The following MRE11 variants were observed in gnomAD, a reference collection of about 807,000 sequenced individuals.
The protein encoded by MRE11 is double-strand break repair protein MRE11.
In MRE11, 62 loss-of-function variants were observed where a neutral mutation model predicts 91.7. That is an observed-to-expected ratio of 0.68 (90% CI 0.55 to 0.84). The LOEUF (loss-of-function observed/expected upper bound fraction) is 0.84. Ranked by LOEUF, MRE11 falls within the 40% of genes least tolerant of loss-of-function variation. The pLI is 0.00. For missense variants in MRE11, 796 were observed against 852.9 expected, an observed-to-expected ratio of 0.93 and a Z score of 0.83; for synonymous variants, 273 against 271.4, an observed-to-expected ratio of 1.01 and a Z score of -0.06.
intron 3 of MRE11, among the ~76,000 whole-genome samples, chr11:94,489,142 T>TAAAAATATGCTATG (rs1947220254): frequency 6.6e-6 from 1 of 151,588 alleles, no homozygotes; most frequent in Non-Finnish European, 1.5e-5. Context: ...ATAGTGCTAT[T>TAAAAATATGCTATG]AAAAATATGC....
chr11:94,489,701 T>C (rs1947235784), intron 3 of MRE11, among the ~76,000 whole-genome samples: 1 of 152,198 alleles, frequency 6.6e-6, no homozygotes, highest in African/African-American at 2.4e-5. Flanking sequence ...AAGTCAAGGC[T>C]GGCGGTGTTA....
intron 13 of MRE11, among the ~76,000 whole-genome samples, chr11:94,458,193 T>G (rs1946313095): frequency 6.6e-6 from 1 of 151,968 alleles, no homozygotes; most frequent in Admixed American, 6.6e-5. Flanking sequence ...TTTTTTTTTT[T>G]TTTTTAAATA....
intron 11 of MRE11, among the ~76,000 whole-genome samples, chr11:94,463,091 T>G (rs1946463825): frequency 6.6e-6 from 1 of 151,782 alleles, no homozygotes; most frequent in South Asian, 2.1e-4. Flanking sequence ...TAAGAAAAAA[T>G]CAAACAACCC....
the MRE11 span, among the ~76,000 whole-genome samples, chr11:94,509,079 C>A: frequency 6.6e-6 from 1 of 152,152 alleles, no homozygotes; most frequent in Non-Finnish European, 1.5e-5. Flanking sequence ...TTTTAAACAA[C>A]CCTGCTGAGA....
the MRE11 span, among the ~76,000 whole-genome samples, chr11:94,499,816 G>A: frequency 5.9e-5 from 9 of 152,118 alleles, no homozygotes; most frequent in Non-Finnish European, 1.2e-4. Context: ...TTTTTAAGAT[G>A]TCCACCAAGG....
intron 7 of MRE11, among the ~76,000 whole-genome samples, chr11:94,473,938 G>C (rs1035467694): frequency 7.9e-5 from 12 of 152,098 alleles, no homozygotes; most frequent in Admixed American, 7.9e-4. Flanking sequence ...TAAGGAAAGG[G>C]AGAAGACAAA....
Position 94,471,646 on chromosome 11 carries a change from T to G in MRE11, c.773A>C (p.Gln258Pro), listed in dbSNP as rs761771002. ...ECKIAPTKNE[Q>P]QLFYISQPGS... ...AGGTTGTGAGATATAAAACAGCTGT[T>G]GTTCATTTTTGGTTGGAGCTATTTT... The change falls in exon 8 of 20, where the codon CAA (glutamine) becomes CCA (proline). Residue 258 changes from glutamine to proline, a missense_variant. Physicochemically the swap from Gln to Pro is moderately conservative, Grantham distance 76 (BLOSUM62 -1). Transcript: ENST00000323929. 1.9e-6 allele frequency: 3 copies of G among 1,612,944 alleles called. No individual in the cohort carries two copies. In the East Asian group the frequency reaches 6.7e-5, roughly 36 times the overall value.
chr11:94,451,495 T>C (rs1405040049), intron 14 of MRE11, among the ~76,000 whole-genome samples: 1 of 152,144 alleles, frequency 6.6e-6, no homozygotes, highest in African/African-American at 2.4e-5. Context: ...AATGCCAGTA[T>C]GACACAGTAC....
intron 3 of MRE11, among the ~76,000 whole-genome samples, chr11:94,486,570 T>C (rs1239562042): frequency 6.6e-6 from 1 of 152,174 alleles, no homozygotes; most frequent in Non-Finnish European, 1.5e-5. Context: ...GAGGATACAA[T>C]GATGAATAAA....
rs983423667 is a variant in MRE11, at chr11:94,416,140, G to A, written c.*3985C>T. The A allele has an allele frequency of 6.6e-6, 1 of 152,206 alleles. No individual in the cohort carries two copies. The highest frequency in any genetic ancestry group is 2.4e-5 in the African/African-American group (1 of 41,442). The allele number at this position is 152,206 out of a possible 1,614,324, so 9.4% of individuals were successfully genotyped here. A position where few individuals can be genotyped will look rare whatever the true frequency, so the allele number is the denominator to read the frequency against. ...GATTCTAATTCAACAATTTTTCTTGGTAGTCTTGCCAACAGTAATTGGAGA... is the reference window on the plus strand; with the variant it reads ...GATTCTAATTCAACAATTTTTCTTGATAGTCTTGCCAACAGTAATTGGAGA... On this transcript the variant is annotated 3_prime_UTR_variant, in exon 20 of 20. Transcript: ENST00000323929.
At chr11:94,501,560 G>A in the MRE11 span, among the ~76,000 whole-genome samples, 2 of 152,044 alleles carry the variant, frequency 1.3e-5, no homozygotes, top group Admixed American at 1.3e-4. Context: ...AATACAGGGT[G>A]TATTTTACAG....
chr11:94,440,454 G>A (rs531311832), intron 16 of MRE11, among the ~76,000 whole-genome samples: 24 of 151,740 alleles, frequency 1.6e-4, no homozygotes, highest in Admixed American at 1.6e-3. Flanking sequence ...AATTCTCAAT[G>A]GCATTGAAGA....
In MRE11 at chr11:94,456,269, T is replaced by A. The variant is rs1177539779; in HGVS notation, c.1563+7A>T. The A allele has an allele frequency of 1.9e-6, 3 of 1,612,864 alleles. No homozygotes were observed. The highest frequency in any genetic ancestry group is 4.5e-5 in the East Asian group (2 of 44,852). On this transcript the variant is annotated splice_region_variant and intron_variant, in intron 14 of 19. Transcript: ENST00000323929. ...ATAAACACAAGAATTTGCAGCAGAA[T>A]AATTACCTCACGGACTTCATCATCT... is the stretch of plus-strand genomic sequence containing the variant.
At chr11:94,429,821 G>GA (rs774444778) in intron 19 of MRE11, 90 bp downstream of exon 19, 38 of 1,109,142 alleles carry the variant, frequency 3.4e-5, no homozygotes, top group Non-Finnish European at 4.2e-5. Context: ...ATTTATCAAA[G>GA]AAAAAAAAGT....
chr11:94,427,647 C>A (rs546695840), intron 19 of MRE11, among the ~76,000 whole-genome samples: 1 of 152,112 alleles, frequency 6.6e-6, no homozygotes, highest in South Asian at 2.1e-4. Context: ...CCCTAAAGAC[C>A]CTGCCAAAAG....
chr11:94,482,882 G>T (rs534599072), intron 4 of MRE11, among the ~76,000 whole-genome samples: 5 of 152,076 alleles, frequency 3.3e-5, no homozygotes, highest in Non-Finnish European at 7.4e-5. Flanking sequence ...AGGTTGCAGT[G>T]AGCCAAGATC....
chr11:94,464,213 A>C lies in MRE11; in HGVS notation c.1125T>G (p.Pro375=), dbSNP rs778500394. The change falls in exon 11 of 20, where the codon CCT becomes CCG. Residue 375 remains proline (P), a synonymous_variant. Coordinates refer to ENST00000323929, the MANE Select transcript of MRE11 (RefSeq NM_005591.4). ...TCTGGCTAAAGCGAAGAACACTGAA[A>C]GGTTCAAAACCTCCACTATAGTCCA... ...LRVDYSGGFE[P]FSVLRFSQKF... is the part of the protein sequence containing the mutation. 6.2e-7 allele frequency: 1 copy of C among 1,613,984 alleles called. No individual in the cohort carries two copies. The highest frequency in any genetic ancestry group is 2.2e-5 in the East Asian group (1 of 44,820).
chr11:94,461,802 G>A (rs868398364), intron 11 of MRE11, among the ~76,000 whole-genome samples: 3 of 152,150 alleles, frequency 2.0e-5, no homozygotes, highest in Non-Finnish European at 2.9e-5. Flanking sequence ...CAGACCAGGC[G>A]CGGTGGCTCA....
At chr11:94,492,246 G>A (rs1468302868) in intron 2 of MRE11, among the ~76,000 whole-genome samples, 3 of 151,932 alleles carry the variant, frequency 2.0e-5, no homozygotes, top group Non-Finnish European at 4.4e-5. Context: ...GCGCCACCAC[G>A]CCTGGCTAAT....
Sources: gnomAD v4.1 joint callset for allele counts (sites outside exome capture counted in the v4.1 genomes callset) on GRCh38, gnomAD v4.1.1 for gene constraint, MANE v1.5 for transcripts, NCBI Gene and HGNC (gene_info 2026-07-23, HGNC 2026-07-21) for gene names.